CADPS: variants seen among roughly 807,000 people sequenced by gnomAD.
The protein encoded by CADPS is calcium-dependent secretion activator 1.
A neutral mutation model predicts 167.3 loss-of-function variants in CADPS; 57 were observed. That is an observed-to-expected ratio of 0.34 (90% CI 0.28 to 0.42). The LOEUF (loss-of-function observed/expected upper bound fraction) is 0.42, where lower values mean the gene tolerates loss of function less well. Ranked by LOEUF, CADPS falls within the 20% of genes least tolerant of loss-of-function variation. The pLI is 1.00. For synonymous variants in CADPS, 676 were observed against 635.3 expected (o/e 1.06, Z -0.96); for missense variants, 1,414 against 1,738.1 (o/e 0.81, Z 3.32).
chr3:62,835,295 T>C (rs1309680921), intron 1 of CADPS, among the ~76,000 whole-genome samples: 2 of 152,112 alleles, frequency 1.3e-5, no homozygotes, highest in East Asian at 3.9e-4. Context: ...ATTAAAACAA[T>C]CAGGGAACAA....
At chr3:62,442,170 G>C (rs1279988112) in intron 27 of CADPS, among the ~76,000 whole-genome samples, 1 of 149,194 alleles carries the variant, frequency 6.7e-6, no homozygotes, top group Non-Finnish European at 1.5e-5. Flanking sequence ...TTTGGGGACT[G>C]CTGACTTAAT....
intron 1 of CADPS, among the ~76,000 whole-genome samples, chr3:62,841,055 A>G (rs1025129508): frequency 6.6e-6 from 1 of 152,246 alleles, no homozygotes; most frequent in East Asian, 1.9e-4. Flanking sequence ...GACCTCATTT[A>G]CTCCATTCCC....
chr3:62,517,904 T>A (rs2151704039), intron 14 of CADPS, among the ~76,000 whole-genome samples: 1 of 152,318 alleles, frequency 6.6e-6, no homozygotes, highest in African/African-American at 2.4e-5. Context: ...TGTAATAGAT[T>A]GTTGACCAGG....
Position 62,421,412 on chromosome 3 carries a change from CTT to C in CADPS, c.3777+16690_3777+16691del, listed in dbSNP as rs2051359675. 6.6e-6 allele frequency among the ~76,000 whole-genome samples: 1 copy of C among 152,220 alleles called. No homozygotes were observed. The highest frequency in any genetic ancestry group is 1.5e-5 in the Non-Finnish European group (1 of 68,042). ...AGTGTCTTTTGGGACCAATTTGTCT[CTT>C]TTCACTCTTTATTCTTCCCTTTTTG... On this transcript the variant is annotated intron_variant, in intron 28 of 29. Coordinates refer to ENST00000383710, the MANE Select transcript of CADPS (RefSeq NM_003716.4). This position sits in a 1 kb window ranked among gnomAD's most constrained non-coding sequence, Gnocchi z 4.7.
rs73102763 is a variant in CADPS, at chr3:62,821,938, T to A, written c.441+52651A>T. ...GTTCTCTGTGGTTCTAGGAATGAGG[T>A]CTCTGCCTCCTTGCTGGCTGTCAGC... On this transcript the variant is annotated intron_variant, in intron 1 of 29. Coordinates refer to ENST00000383710, the MANE Select transcript of CADPS (RefSeq NM_003716.4). Among the ~76,000 whole-genome samples, 591 of 152,240 alleles carry A rather than the reference T, an allele frequency of 3.9e-3. 4 individuals carry two copies. The highest frequency in any genetic ancestry group is 6.6e-3 in the South Asian group (32 of 4,818).
intron 6 of CADPS, among the ~76,000 whole-genome samples, chr3:62,608,532 G>T (rs1280747981): frequency 2.0e-5 from 3 of 151,868 alleles, no homozygotes; most frequent in Non-Finnish European, 4.4e-5. Context: ...ACCCACCTCG[G>T]CCTCCCAAAG....
At chr3:62,648,788 A>G (rs2069247396) in intron 5 of CADPS, among the ~76,000 whole-genome samples, 1 of 151,976 alleles carries the variant, frequency 6.6e-6, no homozygotes, top group African/African-American at 2.4e-5. Context: ...GACAAGAGGC[A>G]GTAGGGAATA....
At chr3:62,657,328 C>A (rs532723994) in intron 4 of CADPS, among the ~76,000 whole-genome samples, 1 of 152,238 alleles carries the variant, frequency 6.6e-6, no homozygotes, top group South Asian at 2.1e-4. Flanking sequence ...GTTTTACTCC[C>A]AGACCTCTGC....
intron 6 of CADPS, among the ~76,000 whole-genome samples, chr3:62,600,108 C>G (rs1334832583): frequency 6.8e-6 from 1 of 147,542 alleles, no homozygotes; most frequent in Non-Finnish European, 1.5e-5. Context: ...GTGTGACTGC[C>G]CCTTTCAACT....
intron 6 of CADPS, among the ~76,000 whole-genome samples, chr3:62,644,223 G>T (rs1418701987): frequency 2.0e-5 from 3 of 152,184 alleles, no homozygotes; most frequent in Non-Finnish European, 4.4e-5. Flanking sequence ...GGGAGGAGAG[G>T]CAGTGAGCTG....
chr3:62,756,152 A>G (rs966109123), intron 2 of CADPS, among the ~76,000 whole-genome samples: 4 of 151,532 alleles, frequency 2.6e-5, no homozygotes, highest in Non-Finnish European at 5.9e-5. Context: ...TCCTGGGTTC[A>G]AGCGATTCTC....
chr3:62,764,880 A>C (rs977291441), intron 2 of CADPS, among the ~76,000 whole-genome samples: 16 of 152,178 alleles, frequency 1.1e-4, no homozygotes, highest in African/African-American at 2.7e-4. Flanking sequence ...ATTTTGTTAC[A>C]TTTTTCTTAT....
At chr3:62,519,727 C>A (rs1354208375) in intron 13 of CADPS, among the ~76,000 whole-genome samples, 1 of 152,142 alleles carries the variant, frequency 6.6e-6, no homozygotes, top group Non-Finnish European at 1.5e-5. Flanking sequence ...TCAAGTGATT[C>A]TTCTGCCTCA....
intron 1 of CADPS, among the ~76,000 whole-genome samples, chr3:62,803,955 C>T (rs2093933394): frequency 6.6e-6 from 1 of 152,044 alleles, no homozygotes; most frequent in African/African-American, 2.4e-5. Flanking sequence ...TACCCTTTCC[C>T]ACATTTCTTT....
intron 1 of CADPS, among the ~76,000 whole-genome samples, chr3:62,774,359 G>C (rs2089744809): frequency 6.6e-6 from 1 of 151,968 alleles, no homozygotes; most frequent in African/African-American, 2.4e-5. Flanking sequence ...CAACTTGGAG[G>C]TACTCAGGCA....
intron 1 of CADPS, among the ~76,000 whole-genome samples, chr3:62,775,561 A>T (rs1316959749): frequency 1.3e-5 from 2 of 152,234 alleles, no homozygotes; most frequent in African/African-American, 4.8e-5. Context: ...AAATTTTATT[A>T]TTAGCAAAAA....
At chr3:62,863,530 T>C (rs1194816040) in intron 1 of CADPS, among the ~76,000 whole-genome samples, 1 of 151,922 alleles carries the variant, frequency 6.6e-6, no homozygotes, top group Non-Finnish European at 1.5e-5. Context: ...CAAGCAGGAG[T>C]GCAATGACAC....
chr3:62,642,832 C>T (rs1252141581), intron 6 of CADPS, among the ~76,000 whole-genome samples: 1 of 152,022 alleles, frequency 6.6e-6, no homozygotes, highest in Non-Finnish European at 1.5e-5. Context: ...ATCACCTGAG[C>T]CCAGGTTGGC....
intron 21 of CADPS, among the ~76,000 whole-genome samples, chr3:62,482,078 T>A (rs1490660657): frequency 6.6e-6 from 1 of 152,184 alleles, no homozygotes; most frequent in Non-Finnish European, 1.5e-5. Context: ...ATGGAAAAAT[T>A]AACCACACAG....
Sources: allele counts gnomAD v4.1 joint callset (sites outside exome capture counted in the v4.1 genomes callset), GRCh38; gene constraint gnomAD v4.1.1; non-coding constraint Gnocchi (gnomAD v3.1); transcripts MANE v1.5; gene names NCBI Gene and HGNC (gene_info 2026-07-23, HGNC 2026-07-21).